The following EPHA4 variants were observed in gnomAD, a reference collection of about 807,000 sequenced individuals.
The protein encoded by EPHA4 is ephrin type-A receptor 4.
A neutral mutation model predicts 108.3 loss-of-function variants in EPHA4; 19 were observed. The ratio of observed to expected loss-of-function variants is 0.18; its 90% CI spans 0.12 to 0.26. The LOEUF is 0.26. Among genes scored for constraint, EPHA4 ranks in the 10% least tolerant of loss-of-function variants. The pLI is 1.00. For synonymous variants in EPHA4, 449 were observed against 455.5 expected (o/e 0.99, Z 0.18); for missense variants, 917 against 1,254.0 (o/e 0.73, Z 4.06).
At chr2:221,487,764 C>T (rs574074473) in intron 4 of EPHA4, among the ~76,000 whole-genome samples, 7 of 152,206 alleles carry the variant, frequency 4.6e-5, no homozygotes, top group Non-Finnish European at 8.8e-5. Flanking sequence ...CCTTCCTTCA[C>T]GTTTTTGGTT....
chr2:221,470,623 A>C (rs530732431), intron 5 of EPHA4, among the ~76,000 whole-genome samples: 1 of 110,594 alleles, frequency 9.0e-6, no homozygotes, highest in Admixed American at 9.3e-5. Flanking sequence ...GCTTTTCCCT[A>C]AAGTATCACT....
intron 5 of EPHA4, among the ~76,000 whole-genome samples, chr2:221,464,601 A>G (rs1691250467): frequency 6.6e-6 from 1 of 152,220 alleles, no homozygotes; most frequent in South Asian, 2.1e-4. Context: ...TCATCATTAC[A>G]GTATTTTATA....
intron 4 of EPHA4, among the ~76,000 whole-genome samples, chr2:221,489,393 A>C (rs1346802): frequency 0.051 from 7,729 of 152,284 alleles, 401 homozygotes; most frequent in African/African-American, 0.12. Flanking sequence ...AAACTGTGGA[A>C]AAAAGTAAGT....
chr2:221,522,202 C>T (rs759496976), intron 3 of EPHA4, among the ~76,000 whole-genome samples: 1 of 152,180 alleles, frequency 6.6e-6, no homozygotes, highest in African/African-American at 2.4e-5. Flanking sequence ...CCCAGTGTTA[C>T]AGATAATGCT....
At chr2:221,451,813 T>C (rs1359298946) in intron 8 of EPHA4, among the ~76,000 whole-genome samples, 1 of 152,196 alleles carries the variant, frequency 6.6e-6, no homozygotes, top group Non-Finnish European at 1.5e-5. Flanking sequence ...TCATTTTAGG[T>C]ATTTTATAAA....
At chr2:221,546,685 G>A (rs1406011636) in intron 3 of EPHA4, among the ~76,000 whole-genome samples, 1 of 152,124 alleles carries the variant, frequency 6.6e-6, no homozygotes, top group African/African-American at 2.4e-5. Flanking sequence ...GCCTCTGTCA[G>A]TGACTCAAAC....
intron 16 of EPHA4, 71 bp from the exon 17 acceptor site, chr2:221,426,213 T>C (rs1321944264): frequency 2.2e-6 from 3 of 1,369,296 alleles, no homozygotes; most frequent in Non-Finnish European, 3.1e-6. Flanking sequence ...TTGGGCTTCA[T>C]GCAGACACAC....
intron 3 of EPHA4, among the ~76,000 whole-genome samples, chr2:221,556,613 T>TG (rs1694310508): frequency 6.6e-6 from 1 of 152,050 alleles, no homozygotes; most frequent in South Asian, 2.1e-4. Flanking sequence ...TACTTTTTTT[T>TG]TTCATATTCT....
At chr2:221,462,671 T>G (rs1574583681) in intron 5 of EPHA4, among the ~76,000 whole-genome samples, 2 of 152,212 alleles carry the variant, frequency 1.3e-5, no homozygotes, top group Non-Finnish European at 2.9e-5. Context: ...TTAGGTTAAC[T>G]GAGATATTGA....
chr2:221,500,891 A>G, intron 4 of EPHA4, 126 bp downstream of exon 4: 1 of 1,075,312 alleles, frequency 9.3e-7, no homozygotes, highest in Non-Finnish European at 1.3e-6. Context: ...ATGATTGAGA[A>G]AGGATGAATG....
intron 3 of EPHA4, among the ~76,000 whole-genome samples, chr2:221,512,470 A>G (rs1692858299): frequency 6.6e-6 from 1 of 152,210 alleles, no homozygotes. Flanking sequence ...ACTAACACCT[A>G]ACTTGATTGC....
chr2:221,484,583 C>T (rs1691926562), intron 4 of EPHA4, among the ~76,000 whole-genome samples: 1 of 152,048 alleles, frequency 6.6e-6, no homozygotes, highest in Non-Finnish European at 1.5e-5. Flanking sequence ...TTCAAAACTG[C>T]ATTTACAGTT....
At chr2:221,436,693 G>T in intron 12 of EPHA4, 85 bp from the exon 13 acceptor site, 1 of 1,370,286 alleles carries the variant, frequency 7.3e-7, no homozygotes, top group South Asian at 1.2e-5. Flanking sequence ...GAATCTTTTT[G>T]GGTATCTGTA....
At position 221,425,587 on chromosome 2, in the gene EPHA4, T is replaced by C. The variant is rs901104406; in HGVS notation, c.*441A>G. On this transcript the variant is annotated 3_prime_UTR_variant, in exon 17 of 18. Coordinates refer to ENST00000281821, the MANE Select transcript of EPHA4 (RefSeq NM_004438.5). ...GCCACAGCTGAGTCCTTAAAAAATG[T>C]TCCTAGGCATGGTCTTCATTCCAGT... 6.4e-6 allele frequency: 1 copy of C among 157,014 alleles called. No homozygotes were observed. Among genetic ancestry groups the C allele is most frequent in the African/African-American group, 2.4e-5 (1 of 41,488 alleles). 9.7% of individuals were successfully genotyped at this position (157,014 alleles called of 1,614,324 possible).
intron 5 of EPHA4, among the ~76,000 whole-genome samples, chr2:221,478,818 CA>C (rs3835965): frequency 0.42 from 63,150 of 151,952 alleles, 13,223 homozygotes; most frequent in East Asian, 0.52. Context: ...TGCAGGTAGC[CA>C]GCTGGGCTGC....
At chr2:221,549,894 G>A (rs548906021) in intron 3 of EPHA4, among the ~76,000 whole-genome samples, 64 of 152,340 alleles carry the variant, frequency 4.2e-4, no homozygotes, top group African/African-American at 1.5e-3. Context: ...GGGAGGCTGA[G>A]GCAGGGGAAT....
chr2:221,551,196 G>A (rs138462441), intron 3 of EPHA4, among the ~76,000 whole-genome samples: 547 of 152,038 alleles, frequency 3.6e-3, no homozygotes, highest in African/African-American at 8.8e-3. Context: ...AGAAAACTCC[G>A]GAGAATTAAC....
At chr2:221,456,002 T>A (rs73994259) in intron 7 of EPHA4, among the ~76,000 whole-genome samples, 2,463 of 152,306 alleles carry the variant, frequency 0.016, 58 homozygotes, top group African/African-American at 0.056. Flanking sequence ...CAAAAATCTA[T>A]CATCTTTTTA....
intron 17 of EPHA4, among the ~76,000 whole-genome samples, chr2:221,424,769 C>A (rs928910667): frequency 6.6e-6 from 1 of 152,196 alleles, no homozygotes; most frequent in African/African-American, 2.4e-5. Flanking sequence ...CTCGCCAGTA[C>A]TTCTCCATTG....
Sources: gnomAD v4.1 joint callset for allele counts (sites outside exome capture counted in the v4.1 genomes callset) on GRCh38, gnomAD v4.1.1 for gene constraint, MANE v1.5 for transcripts, NCBI Gene and HGNC (gene_info 2026-07-23, HGNC 2026-07-21) for gene names.